BCL2L13: variants seen among roughly 807,000 people sequenced by gnomAD.
The protein encoded by BCL2L13 is BCL2 like 13, also known as bcl-2-like protein 13.
A neutral mutation model predicts 25.8 loss-of-function variants in BCL2L13; 13 were observed. That is an observed-to-expected ratio of 0.50 (90% CI 0.33 to 0.80). The LOEUF is 0.80. Among genes scored for constraint, BCL2L13 ranks in the 30% least tolerant of loss-of-function variants. The pLI, the probability that BCL2L13 is intolerant of heterozygous loss-of-function variation, is 0.02. For synonymous variants in BCL2L13, 244 were observed against 230.3 expected (o/e 1.06, Z -0.54); for missense variants, 504 against 574.9 (o/e 0.88, Z 1.26).
rs528477115 is a variant in BCL2L13 at position 17,660,874 on chromosome 22, T to G, written c.121+5042T>G. ...ATCTTGGCTCATTGCAACCTCCACC[T>G]CCTGGGTTCAAGCAATTCTCCTGCC... On this transcript the variant is annotated intron_variant, in intron 2 of 6. Transcript: ENST00000317582. Among the ~76,000 whole-genome samples, 15 of 146,370 alleles carry G rather than the reference T, an allele frequency of 1.0e-4. 1 individual carries two copies. The highest frequency in any genetic ancestry group is 3.6e-3 in the Middle Eastern group (1 of 280).
chr22:17,713,460 ATTTTTTTTT>A (rs34378723), intron 6 of BCL2L13, among the ~76,000 whole-genome samples: 1 of 132,208 alleles, frequency 7.6e-6, no homozygotes, highest in Non-Finnish European at 1.6e-5. Flanking sequence ...TTGAAAATGC[ATTTTTTTTT>A]TTTTTTTTTG....
intron 6 of BCL2L13, chr22:17,703,137 A>G (rs931787785): frequency 1.1e-4 from 16 of 151,614 alleles, no homozygotes; most frequent in African/African-American, 3.9e-4. Flanking sequence ...CCTGGGCAAC[A>G]GAGCAACAAC....
chr22:17,719,914 C>G (rs988194245), intron 6 of BCL2L13, among the ~76,000 whole-genome samples: 1 of 151,242 alleles, frequency 6.6e-6, no homozygotes, highest in East Asian at 1.9e-4. Context: ...TAAGTGGAAG[C>G]AGCCAGATAC....
chr22:17,664,954 G>C (rs897326396), intron 2 of BCL2L13, among the ~76,000 whole-genome samples: 3 of 152,192 alleles, frequency 2.0e-5, no homozygotes, highest in African/African-American at 7.2e-5. Flanking sequence ...TGCTTGGAAG[G>C]TTTCTGACAT....
At chr22:17,716,948 C>T (rs1000742638) in intron 6 of BCL2L13, among the ~76,000 whole-genome samples, 3 of 152,082 alleles carry the variant, frequency 2.0e-5, no homozygotes, top group African/African-American at 7.2e-5. Context: ...TGTTTTATAT[C>T]AAGAAAGGTA....
intron 1 of BCL2L13, among the ~76,000 whole-genome samples, chr22:17,632,752 CTTTTTT>C (rs67358246): frequency 1.3e-4 from 16 of 124,382 alleles, no homozygotes; most frequent in Admixed American, 1.2e-3. Context: ...GATTCTTCTT[CTTTTTT>C]TTTTTTTTTT....
intron 6 of BCL2L13, among the ~76,000 whole-genome samples, chr22:17,707,665 A>G (rs933657600): frequency 1.3e-5 from 2 of 152,238 alleles, no homozygotes; most frequent in South Asian, 2.1e-4. Context: ...ATATATATAT[A>G]AAGTCTGAGA....
chr22:17,635,032 C>T (rs1466608051), upstream of BCL2L13, among the ~76,000 whole-genome samples: 3 of 151,362 alleles, frequency 2.0e-5, no homozygotes, highest in Admixed American at 6.6e-5. Context: ...AGTTTAGAGT[C>T]GATAACCACA....
chr22:17,664,418 C>A (rs983509026), intron 2 of BCL2L13, among the ~76,000 whole-genome samples: 5 of 35,748 alleles, frequency 1.4e-4, no homozygotes, highest in Non-Finnish European at 2.8e-4. Flanking sequence ...TATAGCCACC[C>A]CCCCCCGGCT....
In BCL2L13 at chr22:17,650,964, C is replaced by T. The variant is rs1246108961; in HGVS notation, c.-50-4698C>T. On this transcript the variant is annotated intron_variant, in intron 1 of 6. Coordinates refer to ENST00000317582, the MANE Select transcript of BCL2L13 (RefSeq NM_015367.4). ...AAAGTGTTGGGATTACAGGTGTGAG[C>T]CACCGCACCTCGTCGTCCATTCACT... 5.3e-5 allele frequency among the ~76,000 whole-genome samples: 8 copies of T among 151,680 alleles called. No individual in the cohort carries two copies. The East Asian group carries it at 1.6e-3, about 29-fold the overall frequency.
At chr22:17,663,789 C>T (rs1473716639) in intron 2 of BCL2L13, among the ~76,000 whole-genome samples, 6 of 137,190 alleles carry the variant, frequency 4.4e-5, no homozygotes, top group Admixed American at 8.1e-5. Context: ...CTAGTTCAAG[C>T]GATTCTCCTG....
At chr22:17,644,253 A>T (rs1672765638) in intron 1 of BCL2L13, among the ~76,000 whole-genome samples, 1 of 150,862 alleles carries the variant, frequency 6.6e-6, no homozygotes. Context: ...TGATGGATTT[A>T]TCTGTGAATT....
chr22:17,666,578 G>A (rs548285893), intron 2 of BCL2L13, among the ~76,000 whole-genome samples: 6 of 151,412 alleles, frequency 4.0e-5, no homozygotes, highest in African/African-American at 1.5e-4. Context: ...TCAGAAATAA[G>A]TGAGAATATG....
At position 17,709,150 on chromosome 22, in the gene BCL2L13, G is replaced by A. The variant is rs145360360; in HGVS notation, c.600+6764G>A. Among the ~76,000 whole-genome samples the A allele has an allele frequency of 9.9e-3, 1,497 of 150,896 alleles. 32 individuals are homozygous for A. Among genetic ancestry groups the A allele is most frequent in the African/African-American group, 0.034 (1,391 of 41,080 alleles). On this transcript the variant is annotated intron_variant, in intron 6 of 6. Transcript: ENST00000317582. ...ACTCGGGAGGCTGAGGCAGGAGAAT[G>A]GCGTGAACCCAGGAGGCAGAGGTTG...
intron 6 of BCL2L13, among the ~76,000 whole-genome samples, chr22:17,722,995 T>C (rs1271050851): frequency 1.3e-5 from 2 of 152,246 alleles, no homozygotes; most frequent in African/African-American, 4.8e-5. Context: ...ATTTTTAAAC[T>C]TTCCTGAGGG....
chr22:17,646,971 T>TTTC (rs2058514734), intron 1 of BCL2L13, among the ~76,000 whole-genome samples: 1 of 111,572 alleles, frequency 9.0e-6, no homozygotes, highest in African/African-American at 3.6e-5. Context: ...TTTTTTTTTT[T>TTTC]TTTTTTTTCT....
rs530913557 is a variant in BCL2L13, at chr22:17,721,879, C to G, written c.601-4798C>G. The stretch of plus-strand genomic sequence containing the variant: ...GTTTCACCGTGTTAGCCAGGATGGT[C>G]TCGATCTCCTGACCTCGTGATCTGC... On this transcript the variant is annotated intron_variant, in intron 6 of 6. Transcript: ENST00000317582. Among the ~76,000 whole-genome samples, 213 of 152,126 alleles carry G rather than the reference C, an allele frequency of 1.4e-3. 1 individual carries two copies. Among genetic ancestry groups the G allele is most frequent in the African/African-American group, 4.7e-3 (194 of 41,490 alleles).
chr22:17,679,264 CTTTTTTTTT>C (rs3044588), intron 2 of BCL2L13, among the ~76,000 whole-genome samples: 4 of 76,122 alleles, frequency 5.3e-5, no homozygotes, highest in Non-Finnish European at 7.1e-5. Context: ...TGGTTTGGCT[CTTTTTTTTT>C]TTTTTTTTTT....
intron 1 of BCL2L13, among the ~76,000 whole-genome samples, chr22:17,649,871 C>CTTTTTTTTTTTTTTTTTT (rs71201855): frequency 2.1e-5 from 2 of 94,390 alleles, no homozygotes; most frequent in African/African-American, 4.0e-5. Flanking sequence ...TTTTTCTTTT[C>CTTTTTTTTTTTTTTTTTT]TTTTTTTTTT....
Sources: allele counts gnomAD v4.1 joint callset (sites outside exome capture counted in the v4.1 genomes callset), GRCh38; gene constraint gnomAD v4.1.1; transcripts MANE v1.5; gene names NCBI Gene and HGNC (gene_info 2026-07-23, HGNC 2026-07-21).